TOX: variants seen among roughly 807,000 people sequenced by gnomAD.
TOX encodes thymocyte selection-associated high mobility group box protein TOX.
TOX carries 11 observed loss-of-function variants against 53.7 expected under a neutral mutation model. The observed-to-expected ratio is 0.20, with a 90% confidence interval of 0.13 to 0.34. The LOEUF (loss-of-function observed/expected upper bound fraction) is 0.34. Among genes scored for constraint, TOX ranks in the 10% least tolerant of loss-of-function variants. The probability of loss-of-function intolerance (pLI) is 1.00; values close to 1 mark genes in which losing one functional copy is unlikely to be tolerated. For missense variants in TOX, 570 were observed against 664.6 expected (o/e 0.86, Z 1.56); for synonymous variants, 225 against 245.3 (o/e 0.92, Z 0.77).
At chr8:58,920,746 G>GAAAAAAAAAA (rs1164471853) in intron 3 of TOX, among the ~76,000 whole-genome samples, 9 of 43,194 alleles carry the variant, frequency 2.1e-4, no homozygotes, top group Non-Finnish European at 3.1e-4. Flanking sequence ...AGAAAAAAAA[G>GAAAAAAAAAA]AAGAAAAAAA....
intron 1 of TOX, among the ~76,000 whole-genome samples, chr8:59,064,354 T>A (rs1331150814): frequency 6.6e-6 from 1 of 152,228 alleles, no homozygotes; most frequent in Non-Finnish European, 1.5e-5. Context: ...TTCCAGCATA[T>A]TTTTAAAAAA....
At chr8:59,056,909 C>A (rs967388187) in intron 1 of TOX, among the ~76,000 whole-genome samples, 1 of 152,222 alleles carries the variant, frequency 6.6e-6, no homozygotes, top group Non-Finnish European at 1.5e-5. Context: ...AGAAAAACTG[C>A]ACACTTACTT....
At chr8:59,115,879 A>G (rs1382532157) in intron 1 of TOX, among the ~76,000 whole-genome samples, 3 of 152,166 alleles carry the variant, frequency 2.0e-5, no homozygotes, top group Non-Finnish European at 2.9e-5. Context: ...TTAGTCTTAC[A>G]GTAGAGCAAT....
At chr8:58,991,406 CCTA>C (rs1366834595) in intron 1 of TOX, among the ~76,000 whole-genome samples, 3 of 152,096 alleles carry the variant, frequency 2.0e-5, no homozygotes. Context: ...CTCAACAGTG[CCTA>C]AACAGACCCA....
chr8:59,021,479 A>G (rs60227098), intron 1 of TOX, among the ~76,000 whole-genome samples: 1 of 64,728 alleles, frequency 1.5e-5, no homozygotes, highest in African/African-American at 4.5e-5. Flanking sequence ...AAAAAAAAAA[A>G]AAATATATAT....
At chr8:59,092,849 T>A (rs1804649176) in intron 1 of TOX, among the ~76,000 whole-genome samples, 1 of 152,212 alleles carries the variant, frequency 6.6e-6, no homozygotes, top group African/African-American at 2.4e-5. Flanking sequence ...CTAGACAGTG[T>A]CTATATCCTA....
rs1585970950 is a variant in TOX at position 59,024,406 on chromosome 8, T to C, written c.103-64398A>G. Among the ~76,000 whole-genome samples, 2 of 152,344 alleles carry C rather than the reference T, an allele frequency of 1.3e-5. 1 individual carries two copies. The highest frequency in any genetic ancestry group is 1.3e-4 in the Admixed American group (2 of 15,300). On this transcript the variant is annotated intron_variant, in intron 1 of 8. Coordinates refer to ENST00000361421, the MANE Select transcript of TOX (RefSeq NM_014729.3). ...TTTTGGGTTGGAACATTAATTACTA[T>C]AATTTTCCATAAAAGAAGATATTCT...
chr8:59,017,713 C>T (rs1484029075), intron 1 of TOX, among the ~76,000 whole-genome samples: 1 of 152,126 alleles, frequency 6.6e-6, no homozygotes, highest in Admixed American at 6.5e-5. Context: ...CTGCAATTCA[C>T]CAGGTAATAT....
At chr8:58,960,660 T>C (rs969178561) in intron 1 of TOX, among the ~76,000 whole-genome samples, 1 of 152,216 alleles carries the variant, frequency 6.6e-6, no homozygotes, top group Non-Finnish European at 1.5e-5. Context: ...TAAAAATGCA[T>C]AGAAATTCAT....
chr8:58,963,314 T>TATATATATAG (rs71557744), intron 1 of TOX, among the ~76,000 whole-genome samples: 91 of 130,736 alleles, frequency 7.0e-4, no homozygotes, highest in Middle Eastern at 3.9e-3. Flanking sequence ...TAGATATATA[T>TATATATATAG]ATAGATAGAT....
chr8:58,951,011 C>T (rs1250376843), intron 2 of TOX, among the ~76,000 whole-genome samples: 3 of 152,154 alleles, frequency 2.0e-5, no homozygotes, highest in Admixed American at 6.5e-5. Context: ...TTTCATTTGG[C>T]GTAAGCTAAT....
intron 3 of TOX, among the ~76,000 whole-genome samples, chr8:58,885,154 T>C (rs1266934861): frequency 6.6e-6 from 1 of 152,180 alleles, no homozygotes; most frequent in Non-Finnish European, 1.5e-5. Flanking sequence ...TAATGGGTTA[T>C]ATGTGATGTA....
chr8:59,062,576 A>G (rs1363622463), intron 1 of TOX, among the ~76,000 whole-genome samples: 8 of 152,328 alleles, frequency 5.3e-5, no homozygotes, highest in Middle Eastern at 3.4e-3. Context: ...TCGGATGACA[A>G]TGATGAACTG....
At chr8:59,000,284 G>A (rs1303283078) in intron 1 of TOX, among the ~76,000 whole-genome samples, 3 of 152,134 alleles carry the variant, frequency 2.0e-5, no homozygotes, top group Admixed American at 2.0e-4. Context: ...TGATATTGAA[G>A]AGAAAGTGAT....
intron 1 of TOX, among the ~76,000 whole-genome samples, chr8:58,965,643 T>C (rs1812880637): frequency 6.6e-6 from 1 of 152,118 alleles, no homozygotes; most frequent in Non-Finnish European, 1.5e-5. Context: ...CCTCATGGAA[T>C]TCATGAAACA....
At chr8:59,034,299 T>C (rs552074261) in intron 1 of TOX, among the ~76,000 whole-genome samples, 1 of 152,242 alleles carries the variant, frequency 6.6e-6, no homozygotes. Flanking sequence ...TAAAGTAATC[T>C]CTATGATAAT....
At position 59,002,604 on chromosome 8, in the gene TOX, C is replaced by CA. The variant is rs1313633072; in HGVS notation, c.103-42597dup. Reference sequence around the variant, plus strand: ...AGACTCCGTCTCAAAACAACAACAACAACAAAAAAAAAACAAACAAAAAAA... The same window carrying CA: ...AGACTCCGTCTCAAAACAACAACAACAAACAAAAAAAAAACAAACAAAAAAA... On this transcript the variant is annotated intron_variant, in intron 1 of 8. Coordinates refer to ENST00000361421, the MANE Select transcript of TOX (RefSeq NM_014729.3). 3.0e-3 allele frequency among the ~76,000 whole-genome samples: 306 copies of CA among 102,164 alleles called. 4 individuals are homozygous for CA. Among genetic ancestry groups the CA allele is most frequent in the South Asian group, 0.021 (65 of 3,116 alleles). The allele number at this position is 102,164 out of a possible 152,430, so 67.0% of individuals were successfully genotyped here.
At chr8:58,928,720 G>A (rs186492694) in intron 3 of TOX, among the ~76,000 whole-genome samples, 13 of 152,072 alleles carry the variant, frequency 8.5e-5, no homozygotes, top group East Asian at 1.9e-4. Context: ...ATAATACAGC[G>A]TTTTTAGCAA....
intron 1 of TOX, among the ~76,000 whole-genome samples, chr8:59,049,572 T>C (rs932381923): frequency 9.2e-5 from 14 of 152,258 alleles, no homozygotes; most frequent in Admixed American, 2.6e-4. Flanking sequence ...ACAACCAAAG[T>C]AGACCAATAG....
Sources: gnomAD v4.1 joint callset for allele counts (sites outside exome capture counted in the v4.1 genomes callset) on GRCh38, gnomAD v4.1.1 for gene constraint, MANE v1.5 for transcripts, NCBI Gene and HGNC (gene_info 2026-07-23, HGNC 2026-07-21) for gene names.